LRRTM4: variants seen among roughly 807,000 people sequenced by gnomAD.
The protein encoded by LRRTM4 is leucine-rich repeat transmembrane neuronal protein 4.
LRRTM4 carries 25 observed loss-of-function variants against 47.6 expected under a neutral mutation model. The ratio of observed to expected loss-of-function variants is 0.53; its 90% CI spans 0.38 to 0.73. The LOEUF (loss-of-function observed/expected upper bound fraction) is 0.73, where lower values mean the gene tolerates loss of function less well. Ranked by LOEUF, LRRTM4 falls within the 30% of genes least tolerant of loss-of-function variation. LRRTM4 has a pLI of 0.00. For missense variants in LRRTM4, 638 were observed against 713.4 expected, an observed-to-expected ratio of 0.89 and a Z score of 1.20; for synonymous variants, 311 against 269.5, an observed-to-expected ratio of 1.15 and a Z score of -1.51.
intron 3 of LRRTM4, among the ~76,000 whole-genome samples, chr2:77,262,706 A>G (rs1675951382): frequency 6.6e-6 from 1 of 151,990 alleles, no homozygotes; most frequent in Non-Finnish European, 1.5e-5. Context: ...ACTCATGGTT[A>G]ATATTTGTCT....
At chr2:77,356,287 C>T (rs112404344) in intron 3 of LRRTM4, among the ~76,000 whole-genome samples, 26 of 152,080 alleles carry the variant, frequency 1.7e-4, no homozygotes, top group African/African-American at 4.3e-4. Context: ...AAAATTAGAC[C>T]ATTTGGAGAT....
chr2:76,808,040 TC>T (rs1670604727), intron 3 of LRRTM4, among the ~76,000 whole-genome samples: 1 of 150,054 alleles, frequency 6.7e-6, no homozygotes, highest in Admixed American at 6.6e-5. Context: ...TTCTTTTCTT[TC>T]TTGTTTTGCT....
chr2:77,086,524 C>A (rs2103871048), intron 3 of LRRTM4, among the ~76,000 whole-genome samples: 1 of 144,774 alleles, frequency 6.9e-6, no homozygotes, highest in South Asian at 2.2e-4. Context: ...TTTGCCCAGG[C>A]TGGAGGGCAA....
At chr2:77,366,609 A>G (rs577925418) in intron 3 of LRRTM4, among the ~76,000 whole-genome samples, 41 of 151,990 alleles carry the variant, frequency 2.7e-4, no homozygotes, top group Admixed American at 2.3e-3. Context: ...ACACTCATCA[A>G]AAATAAATCC....
chr2:77,292,427 G>T (rs11126599), intron 3 of LRRTM4, among the ~76,000 whole-genome samples: 53,860 of 150,268 alleles, frequency 0.36, 13,960 homozygotes, highest in African/African-American at 0.73. Flanking sequence ...ATTCACAATA[G>T]CAAAGACTTG....
intron 3 of LRRTM4, among the ~76,000 whole-genome samples, chr2:77,498,032 A>T (rs1288237496): frequency 6.6e-6 from 1 of 151,920 alleles, no homozygotes; most frequent in Non-Finnish European, 1.5e-5. Context: ...TCCAAGAACT[A>T]AACATGGCAG....
At chr2:76,792,998 T>C (rs897272003) in intron 3 of LRRTM4, among the ~76,000 whole-genome samples, 16 of 152,202 alleles carry the variant, frequency 1.1e-4, no homozygotes, top group African/African-American at 3.9e-4. Flanking sequence ...AAGTCTTCAC[T>C]GATTCTTTTC....
At chr2:77,408,254 C>T (rs1031006578) in intron 3 of LRRTM4, among the ~76,000 whole-genome samples, 1 of 152,126 alleles carries the variant, frequency 6.6e-6, no homozygotes, top group Non-Finnish European at 1.5e-5. Context: ...TTCGTGACAT[C>T]CTGCCATGGT....
intron 3 of LRRTM4, among the ~76,000 whole-genome samples, chr2:76,970,125 A>G (rs543236215): frequency 6.6e-6 from 1 of 152,108 alleles, no homozygotes; most frequent in African/African-American, 2.4e-5. Context: ...TAATCCTCAG[A>G]CACACAATAC....
At chr2:77,407,478 T>G (rs1674240169) in intron 3 of LRRTM4, among the ~76,000 whole-genome samples, 1 of 150,758 alleles carries the variant, frequency 6.6e-6, no homozygotes, top group South Asian at 2.1e-4. Flanking sequence ...AATTTGGGGC[T>G]TATTTTTAGT....
In LRRTM4 at chr2:77,481,785, G is replaced by A. The variant is rs1025261854; in HGVS notation, c.1551+36533C>T. Among the ~76,000 whole-genome samples the A allele has an allele frequency of 2.0e-5, 3 of 151,896 alleles. No individual in the cohort carries two copies. The East Asian group carries it at 5.8e-4, about 29-fold the overall frequency. Reference sequence around the variant, plus strand: ...TAGAAAGTCCTTTTTCCAAAAATGTGTGACTATCCAAAGGATGAAGGCAAC... The same window carrying A: ...TAGAAAGTCCTTTTTCCAAAAATGTATGACTATCCAAAGGATGAAGGCAAC... On this transcript the variant is annotated intron_variant, in intron 3 of 3. Coordinates refer to ENST00000409884, the MANE Select transcript of LRRTM4 (RefSeq NM_001134745.3).
intron 3 of LRRTM4, among the ~76,000 whole-genome samples, chr2:77,308,025 T>G: frequency 7.1e-6 from 1 of 140,818 alleles, no homozygotes; most frequent in Non-Finnish European, 1.5e-5. Flanking sequence ...TATTATATAT[T>G]ATATATCTAT....
At chr2:76,794,485 A>C (rs1675156215) in intron 3 of LRRTM4, among the ~76,000 whole-genome samples, 1 of 152,060 alleles carries the variant, frequency 6.6e-6, no homozygotes, top group Admixed American at 6.6e-5. Flanking sequence ...TCAAAATTTC[A>C]CTTATTACTG....
chr2:77,223,320 A>C (rs1015081280), intron 3 of LRRTM4, among the ~76,000 whole-genome samples: 1 of 152,182 alleles, frequency 6.6e-6, no homozygotes. Flanking sequence ...GGCCTCTCTC[A>C]CCACTCCTAT....
At chr2:77,479,272 C>T (rs36107075) in intron 3 of LRRTM4, among the ~76,000 whole-genome samples, 41,159 of 151,964 alleles carry the variant, frequency 0.27, 5,695 homozygotes, top group African/African-American at 0.29. Context: ...TTCATTAGTG[C>T]TAAGGTCTGA....
intron 3 of LRRTM4, among the ~76,000 whole-genome samples, chr2:76,821,770 T>TTC (rs1553414905): frequency 6.6e-6 from 1 of 151,096 alleles, no homozygotes; most frequent in Non-Finnish European, 1.5e-5. Context: ...GTGTTTTTTT[T>TTC]CCCAAATGTC....
At chr2:77,148,781 T>C (rs1672340557) in intron 3 of LRRTM4, among the ~76,000 whole-genome samples, 1 of 152,154 alleles carries the variant, frequency 6.6e-6, no homozygotes, top group Non-Finnish European at 1.5e-5. Flanking sequence ...CTATCAAGGA[T>C]TGTGTGTATT....
chr2:76,985,273 A>G (rs1573404894), intron 3 of LRRTM4, among the ~76,000 whole-genome samples: 1 of 152,064 alleles, frequency 6.6e-6, no homozygotes, highest in African/African-American at 2.4e-5. Context: ...ATATTTAAAA[A>G]GTTCCCCACC....
intron 3 of LRRTM4, among the ~76,000 whole-genome samples, chr2:77,406,198 C>G (rs977321214): frequency 1.6e-4 from 25 of 151,934 alleles, no homozygotes; most frequent in African/African-American, 5.8e-4. Context: ...AAAGATATAC[C>G]TGAAAGCTGT....
Sources: gnomAD v4.1 joint callset for allele counts (sites outside exome capture counted in the v4.1 genomes callset) on GRCh38, gnomAD v4.1.1 for gene constraint, MANE v1.5 for transcripts, NCBI Gene and HGNC (gene_info 2026-07-23, HGNC 2026-07-21) for gene names.